The following CLSTN3 variants were observed in gnomAD, a reference collection of about 807,000 sequenced individuals.
The protein encoded by CLSTN3 is calsyntenin 3, also known as calsyntenin-3.
Under a neutral mutation model 95.9 loss-of-function variants are expected in CLSTN3, and 36 were observed. The observed-to-expected ratio is 0.38, with a 90% CI of 0.29 to 0.50. CLSTN3 has a LOEUF of 0.50. Among genes scored for constraint, CLSTN3 ranks in the 20% least tolerant of loss-of-function variants. The pLI, the probability that CLSTN3 is intolerant of heterozygous loss-of-function variation, is 0.95. For synonymous variants in CLSTN3, 481 were observed against 504.0 expected (o/e 0.95, Z 0.61); for missense variants, 1,084 against 1,268.8 (o/e 0.85, Z 2.21).
chr12:7,153,656 C>G (rs1045261619), intron 16 of CLSTN3, among the ~76,000 whole-genome samples: 1 of 152,164 alleles, frequency 6.6e-6, no homozygotes, highest in Non-Finnish European at 1.5e-5. Context: ...TCTTGTGATT[C>G]CATAGCACTT....
chr12:7,136,372 G>A lies in CLSTN3; in HGVS notation c.909G>A (p.Arg303=). The stretch of plus-strand genomic sequence containing the variant: ...GTGACCGTGACAACTACTCAGAGCG[G>A]GCGCTGCGGAAACTCTGTGGTAGGT... ...KGCDRDNYSE[R]ALRKLCGAAT... is the part of the protein sequence containing the mutation. Residue 303 remains arginine (R), a synonymous_variant, in exon 6 of 18, where the codon CGG becomes CGA. Coordinates refer to ENST00000266546, the MANE Select transcript of CLSTN3 (RefSeq NM_014718.4). 1.2e-6 allele frequency: 2 copies of A among 1,612,614 alleles called. No homozygotes were observed. The highest frequency in any genetic ancestry group is 1.1e-5 in the South Asian group (1 of 90,870).
rs1044355365 is a variant in CLSTN3 at position 7,132,699 on chromosome 12, G to A, written c.65-325G>A. 1.2e-4 allele frequency: 67 copies of A among 572,268 alleles called. 1 individual carries two copies. The East Asian group carries it at 1.7e-3, about 14-fold the overall frequency. The allele number at this position is 572,268 out of a possible 1,614,324, so 35.4% of individuals were successfully genotyped here. A position where few individuals can be genotyped will look rare whatever the true frequency, so the allele number is the denominator to read the frequency against. ...GTTCCCTGTCTCCATTCTCTAGCACGTGAAATCGCTAAAGAACATTCTCCA... is the reference window on the plus strand; with the variant it reads ...GTTCCCTGTCTCCATTCTCTAGCACATGAAATCGCTAAAGAACATTCTCCA... On this transcript the variant is annotated intron_variant, in intron 1 of 17. Coordinates refer to ENST00000266546, the MANE Select transcript of CLSTN3 (RefSeq NM_014718.4).
intron 1 of CLSTN3, 108 bp downstream of exon 1, chr12:7,130,820 G>A: frequency 2.0e-6 from 2 of 981,596 alleles, no homozygotes; most frequent in Admixed American, 4.0e-5. Context: ...ACAGGTGTCT[G>A]GCCCTCTTCT....
Position 7,135,432 on chromosome 12 carries a change from C to A in CLSTN3, c.489C>A (p.Ile163=). 1.9e-6 allele frequency: 3 copies of A among 1,614,116 alleles called. No homozygotes were observed. Among genetic ancestry groups the A allele is most frequent in the Non-Finnish European group, 1.7e-6 (2 of 1,180,010 alleles). ...CAGAGGGGAAGCTGTACGATCGCAT[C>A]CTGCGGGTGGAAGCCATTGACGGTG... ...AVTEGKLYDR[I]LRVEAIDGDC... Residue 163 remains isoleucine (I), a synonymous_variant, in exon 4 of 18, where the codon ATC becomes ATA. Coordinates refer to ENST00000266546, the MANE Select transcript of CLSTN3 (RefSeq NM_014718.4).
At chr12:7,156,144 C>T (rs1001898849) in intron 16 of CLSTN3, 3 of 380,998 alleles carry the variant, frequency 7.9e-6, no homozygotes, top group Non-Finnish European at 1.6e-5. Context: ...AATAGTCCCT[C>T]AGCAACGGGA....
At chr12:7,138,829 C>CAAAAAAAAAAAA (rs5796259) in intron 8 of CLSTN3, 2 of 43,224 alleles carry the variant, frequency 4.6e-5, no homozygotes, top group Non-Finnish European at 3.8e-5. Context: ...AAGCAAACGG[C>CAAAAAAAAAAAA]AAAAAAAAAA....
intron 16 of CLSTN3, chr12:7,156,868 G>A: frequency 2.2e-6 from 1 of 455,610 alleles, no homozygotes; most frequent in South Asian, 1.6e-5. Flanking sequence ...AGGAACCCCA[G>A]ACGTCCCGGA....
In CLSTN3 at chr12:7,136,867, G is replaced by T. The variant is rs771994677; in HGVS notation, c.967G>T (p.Gly323Cys). 1.2e-6 allele frequency: 2 copies of T among 1,614,098 alleles called. No individual in the cohort carries two copies. Among genetic ancestry groups the T allele is most frequent in the South Asian group, 2.2e-5 (2 of 91,078 alleles). The change falls in exon 7 of 18, where the codon GGC becomes TGC. Residue 323 changes from glycine (G) to cysteine (C), a missense_variant. Gly to Cys is a radical substitution (Grantham distance 159). Transcript: ENST00000266546. Reference sequence around the variant, plus strand: ...GGAGGTGGATCTGTTGCCCATGCCTGGCCCCAATGCCAACTGGACAGCAGG... The same window carrying T: ...GGAGGTGGATCTGTTGCCCATGCCTTGCCCCAATGCCAACTGGACAGCAGG... ...TGEVDLLPMPGPNANWTAGLS... is the reference protein window; with the variant it reads ...TGEVDLLPMPCPNANWTAGLS...
intron 12 of CLSTN3, among the ~76,000 whole-genome samples, chr12:7,145,525 C>A (rs995669320): frequency 2.0e-5 from 3 of 151,440 alleles, no homozygotes; most frequent in East Asian, 3.9e-4. Context: ...ATTTATGCAA[C>A]TATTTGGTCA....
chr12:7,139,348 A>G (rs1488529556), intron 8 of CLSTN3, among the ~76,000 whole-genome samples: 1 of 152,104 alleles, frequency 6.6e-6, no homozygotes, highest in African/African-American at 2.4e-5. Context: ...AGGATGAGAA[A>G]TAGCTGGGTG....
chr12:7,150,694 C>T lies in CLSTN3; in HGVS notation c.2391+5C>T, dbSNP rs776724126. 4 of 1,612,434 alleles carry T rather than the reference C, an allele frequency of 2.5e-6. No homozygotes were observed. The highest frequency in any genetic ancestry group is 2.5e-6 in the Non-Finnish European group (3 of 1,178,540). On this transcript the variant is annotated splice_donor_5th_base_variant and intron_variant, in intron 15 of 17. Coordinates refer to ENST00000266546, the MANE Select transcript of CLSTN3 (RefSeq NM_014718.4). The surrounding 1 kb of genome is among the most constrained non-coding windows in gnomAD (Gnocchi z 4.0). ...AGCAATGAATTCATCGTGGAGGTAC[C>T]CAGAGAGTCTCCTTCCTTCCACAGT...
chr12:7,138,227 T>G (rs781344032), intron 8 of CLSTN3, among the ~76,000 whole-genome samples, 160 bp downstream of exon 8: 1 of 151,970 alleles, frequency 6.6e-6, no homozygotes, highest in African/African-American at 2.4e-5. Flanking sequence ...GGTCCTCTTG[T>G]TCCCTTTTCC....
upstream of CLSTN3, chr12:7,130,341 C>T: frequency 7.7e-7 from 1 of 1,294,354 alleles, no homozygotes; most frequent in Non-Finnish European, 1.0e-6. Flanking sequence ...CCGGCGGCCC[C>T]ATCAATCGTT....
Position 7,133,812 on chromosome 12 carries a change from C to T in CLSTN3, c.383+44C>T. Reference sequence around the variant, plus strand: ...CCTGCCCCATGTGTTGCAGGGTCCTCCTCCCTGCTCCCAAGCCCACCATCC... The same window carrying T: ...CCTGCCCCATGTGTTGCAGGGTCCTTCTCCCTGCTCCCAAGCCCACCATCC... On this transcript the variant is annotated intron_variant, in intron 3 of 17. Transcript: ENST00000266546. This position sits in a 1 kb window ranked among gnomAD's most constrained non-coding sequence, Gnocchi z 4.7. 6.9e-7 allele frequency: 1 copy of T among 1,444,112 alleles called. No homozygotes were observed. Among genetic ancestry groups the T allele is most frequent in the Non-Finnish European group, 9.4e-7 (1 of 1,067,136 alleles). The allele number at this position is 1,444,112 out of a possible 1,614,324, so 89.5% of individuals were successfully genotyped here. A position where few individuals can be genotyped will look rare whatever the true frequency, so the allele number is the denominator to read the frequency against.
At chr12:7,140,301 T>A (rs774163373) in intron 8 of CLSTN3, among the ~76,000 whole-genome samples, 112 of 152,174 alleles carry the variant, frequency 7.4e-4, no homozygotes, top group African/African-American at 2.5e-3. Flanking sequence ...ACCTTACACG[T>A]GTTAAATGTG....
chr12:7,143,204 G>A lies in CLSTN3; in HGVS notation c.1740G>A (p.Gly580=). The A allele has an allele frequency of 6.2e-7, 1 of 1,614,142 alleles. No individual in the cohort carries two copies. The highest frequency in any genetic ancestry group is 1.1e-5 in the South Asian group (1 of 91,088). The part of the protein sequence containing the change: ...NPSQSLLTLE[G]DDVETFNHAL... The stretch of plus-strand genomic sequence containing the variant: ...CACAGTCCCTGCTCACCCTGGAGGG[G>A]GATGATGTGGAGACCTTCAACCATG... The change falls in exon 12 of 18, where the codon GGG becomes GGA. Residue 580 remains glycine (G), a synonymous_variant. Coordinates refer to ENST00000266546, the MANE Select transcript of CLSTN3 (RefSeq NM_014718.4).
Position 7,135,326 on chromosome 12 carries a change from G to T in CLSTN3, c.384-1G>T. ...TCCCTCCTTCTCTCTGGCATATGCA[G>T]GGCCACTGTGCATGTGCGGGTCAAC... On this transcript the variant is annotated splice_acceptor_variant, in intron 3 of 17. Transcript: ENST00000266546. LOFTEE classifies it high-confidence loss of function. 6.2e-7 allele frequency: 1 copy of T among 1,614,020 alleles called. No individual in the cohort carries two copies. The highest frequency in any genetic ancestry group is 8.5e-7 in the Non-Finnish European group (1 of 1,179,936).
Position 7,136,360 on chromosome 12 carries a change from CT to C in CLSTN3, c.898del (p.Tyr300ThrfsTer43). The C allele has an allele frequency of 6.2e-7, 1 of 1,613,898 alleles. No homozygotes were observed. Among genetic ancestry groups the C allele is most frequent in the Non-Finnish European group, 8.5e-7 (1 of 1,179,846 alleles). On this transcript the variant is annotated frameshift_variant, in exon 6 of 18. Coordinates refer to ENST00000266546, the MANE Select transcript of CLSTN3 (RefSeq NM_014718.4). LOFTEE classifies it high-confidence loss of function. ...HVAKGCDRDN[Y>X]SERALRKLCG... ...TGGCCAAGGGCTGTGACCGTGACAA[CT>C]ACTCAGAGCGGGCGCTGCGGAAACT...
Position 7,149,591 on chromosome 12 carries a change from G to T in CLSTN3, c.2143G>T (p.Asp715Tyr). The change falls in exon 14 of 18, where the codon GAT (aspartate) becomes TAT (tyrosine). Residue 715 changes from aspartate to tyrosine, a missense_variant. Asp to Tyr is a radical substitution (Grantham distance 160). Transcript: ENST00000266546. This position sits in a 1 kb window ranked among gnomAD's most constrained non-coding sequence, Gnocchi z 4.5. ...LDGCEISLVG[D>Y]DLDPERESLL... is the part of the protein sequence containing the mutation. ...TGGCTGTGAAATTTCTCTGGTGGGG[G>T]ATGACCTGGATCCCGAGCGGGAAAG... is the stretch of plus-strand genomic sequence containing the variant. 2 of 1,614,146 alleles carry T rather than the reference G, an allele frequency of 1.2e-6. No individual in the cohort carries two copies. Among genetic ancestry groups the T allele is most frequent in the East Asian group, 4.5e-5 (2 of 44,886 alleles).
Sources: gnomAD v4.1 joint callset for allele counts (sites outside exome capture counted in the v4.1 genomes callset) on GRCh38, gnomAD v4.1.1 for gene constraint, Gnocchi (gnomAD v3.1) non-coding constraint, MANE v1.5 for transcripts, NCBI Gene and HGNC (gene_info 2026-07-23, HGNC 2026-07-21) for gene names.